Variants in ADAMTS12 observed in about 807,000 individuals in gnomAD.
ADAMTS12 encodes ADAM metallopeptidase with thrombospondin type 1 motif 12.
Under a neutral mutation model 167.8 loss-of-function variants are expected in ADAMTS12, and 118 were observed. The observed-to-expected ratio is 0.70, with a 90% confidence interval of 0.61 to 0.82. ADAMTS12 has a LOEUF of 0.82. Ranked by LOEUF, ADAMTS12 falls within the 40% of genes least tolerant of loss-of-function variation. The pLI is 0.00. For synonymous variants in ADAMTS12, 704 were observed against 716.9 expected (o/e 0.98, Z 0.29); for missense variants, 1,916 against 1,998.8 (o/e 0.96, Z 0.79).
At chr5:33,796,081 C>T (rs1579943440) in intron 2 of ADAMTS12, among the ~76,000 whole-genome samples, 1 of 152,232 alleles carries the variant, frequency 6.6e-6, no homozygotes, top group South Asian at 2.1e-4. Context: ...ACATCTAAGT[C>T]TCATCTACAG....
intron 20 of ADAMTS12, among the ~76,000 whole-genome samples, chr5:33,557,106 A>C (rs1420748758): frequency 1.3e-5 from 2 of 152,178 alleles, no homozygotes; most frequent in Non-Finnish European, 2.9e-5. Context: ...TGCAATCCAG[A>C]CAGCAATCAC....
At chr5:33,848,982 TATATATATATGTATTGCATAGCA>T in intron 2 of ADAMTS12, among the ~76,000 whole-genome samples, 1 of 150,210 alleles carries the variant, frequency 6.7e-6, no homozygotes, top group South Asian at 2.1e-4. Context: ...TGCATAGCAA[TATATATATATGTATTGCATAGCA>T]ATATATATAT....
intron 23 of ADAMTS12, 33 bp downstream of exon 23, chr5:33,534,800 T>C (rs1192865192): frequency 1.3e-6 from 2 of 1,585,836 alleles, no homozygotes; most frequent in Non-Finnish European, 8.5e-7. Flanking sequence ...TGTGCAAAGA[T>C]CTCTTTCTCC....
chr5:33,531,585 A>G (rs1355449657), intron 23 of ADAMTS12, among the ~76,000 whole-genome samples: 1 of 152,190 alleles, frequency 6.6e-6, no homozygotes, highest in Admixed American at 6.5e-5. Flanking sequence ...AATAGCTCCC[A>G]AGCTTTGTCT....
intron 3 of ADAMTS12, among the ~76,000 whole-genome samples, chr5:33,730,876 A>C (rs980398336): frequency 6.6e-6 from 1 of 152,246 alleles, no homozygotes; most frequent in African/African-American, 2.4e-5. Flanking sequence ...TCAGCAATGA[A>C]GAAATCTGTA....
At chr5:33,834,986 A>T (rs113958724) in intron 2 of ADAMTS12, among the ~76,000 whole-genome samples, 3,927 of 152,278 alleles carry the variant, frequency 0.026, 115 homozygotes, top group African/African-American at 0.066. Context: ...CCGTGTGGCA[A>T]CACCTGCCAA....
intron 2 of ADAMTS12, among the ~76,000 whole-genome samples, chr5:33,802,371 T>C (rs924092258): frequency 5.9e-5 from 9 of 152,178 alleles, no homozygotes; most frequent in Non-Finnish European, 1.2e-4. Context: ...AAGTACAACA[T>C]TGGATCCTAA....
chr5:33,640,878 C>T (rs1196223776), intron 11 of ADAMTS12, among the ~76,000 whole-genome samples: 4 of 136,156 alleles, frequency 2.9e-5, no homozygotes, highest in African/African-American at 1.4e-4. Flanking sequence ...TATACATATA[C>T]TTATATTTAA....
Position 33,534,906 on chromosome 5 carries a change from T to C in ADAMTS12, c.4533A>G (p.Gln1511=), listed in dbSNP as rs767033876. The change falls in exon 23 of 24, where the codon CAA becomes CAG. Residue 1511 remains glutamine, a synonymous_variant. Coordinates refer to ENST00000504830, the MANE Select transcript of ADAMTS12 (RefSeq NM_030955.4). The stretch of plus-strand genomic sequence containing the variant: ...GTCTGGGTTTGTGATCACATAGACA[T>C]TGGTCTTGGTCTTCAGTTTTATTGC... ...SEGNKTEDQD[Q]CLCDHKPRPP... 88 of 1,613,994 alleles carry C rather than the reference T, an allele frequency of 5.5e-5. No individual in the cohort carries two copies. Among genetic ancestry groups the C allele is most frequent in the Non-Finnish European group, 7.0e-5 (83 of 1,180,010 alleles).
chr5:33,865,818 A>G (rs1366893626), intron 2 of ADAMTS12, among the ~76,000 whole-genome samples: 1 of 152,186 alleles, frequency 6.6e-6, no homozygotes, highest in Admixed American at 6.5e-5. Flanking sequence ...TACACCAACA[A>G]CGACCAAGCT....
intron 2 of ADAMTS12, among the ~76,000 whole-genome samples, chr5:33,774,490 T>C (rs1471694283): frequency 6.6e-6 from 1 of 152,240 alleles, no homozygotes; most frequent in South Asian, 2.1e-4. Context: ...TTTGGCTTCA[T>C]ACAGAACATT....
At chr5:33,749,914 T>G (rs1239639336) in intron 3 of ADAMTS12, among the ~76,000 whole-genome samples, 2 of 152,168 alleles carry the variant, frequency 1.3e-5, no homozygotes, top group Non-Finnish European at 1.5e-5. Context: ...ATAGTCTCAC[T>G]CATTTCACAG....
intron 18 of ADAMTS12, among the ~76,000 whole-genome samples, chr5:33,580,148 G>A (rs1487561470): frequency 7.2e-5 from 11 of 152,042 alleles, no homozygotes; most frequent in Non-Finnish European, 1.6e-4. Context: ...AACCTAAAAG[G>A]GTAAGGCAGG....
In ADAMTS12 at chr5:33,523,892, C is replaced by T. The variant is rs1743689827; in HGVS notation, c.*3296G>A. Reference sequence around the variant, plus strand: ...TCCTTCAAAAGTGAATCACTGTGGACCAAGCACCAGAAACATCGTCCCAAA... The same window carrying T: ...TCCTTCAAAAGTGAATCACTGTGGATCAAGCACCAGAAACATCGTCCCAAA... On this transcript the variant is annotated 3_prime_UTR_variant, in exon 24 of 24. Coordinates refer to ENST00000504830, the MANE Select transcript of ADAMTS12 (RefSeq NM_030955.4). 6.6e-6 allele frequency: 1 copy of T among 152,098 alleles called. No individual in the cohort carries two copies. Among genetic ancestry groups the T allele is most frequent in the Non-Finnish European group, 1.5e-5 (1 of 68,032 alleles). 9.4% of individuals were successfully genotyped at this position (152,098 alleles called of 1,614,324 possible).
intron 5 of ADAMTS12, among the ~76,000 whole-genome samples, chr5:33,663,706 C>G (rs1340852383): frequency 6.6e-6 from 1 of 152,202 alleles, no homozygotes; most frequent in Non-Finnish European, 1.5e-5. Context: ...AGTTGGTCAT[C>G]AACCTCACTG....
At chr5:33,866,471 T>G (rs1749826624) in intron 2 of ADAMTS12, among the ~76,000 whole-genome samples, 1 of 152,126 alleles carries the variant, frequency 6.6e-6, no homozygotes, top group Non-Finnish European at 1.5e-5. Flanking sequence ...GACTTAAATT[T>G]AAGACCTGAA....
Position 33,534,991 on chromosome 5 carries a change from C to T in ADAMTS12, c.4448G>A (p.Cys1483Tyr), listed in dbSNP as rs1300910011. 2 of 1,601,386 alleles carry T rather than the reference C, an allele frequency of 1.2e-6. No individual in the cohort carries two copies. Among genetic ancestry groups the T allele is most frequent in the African/African-American group, 1.3e-5 (1 of 74,418 alleles). The change falls in exon 23 of 24, where the codon TGT becomes TAT. Residue 1483 changes from cysteine (C) to tyrosine (Y), a missense_variant and splice_region_variant. By Grantham distance (194) the Cys-to-Tyr change is radical. Transcript: ENST00000504830. ...CHWATGNWDL[C>Y]STSCGGGFQK... Reference sequence around the variant, plus strand: ...AAAGCCACCTCCACAGGAAGTGGAACACTGAAAGAGAAGGTGAACAGAGAG... The same window carrying T: ...AAAGCCACCTCCACAGGAAGTGGAATACTGAAAGAGAAGGTGAACAGAGAG...
intron 1 of ADAMTS12, among the ~76,000 whole-genome samples, chr5:33,885,479 A>T (rs1021196786): frequency 1.3e-5 from 2 of 151,948 alleles, no homozygotes; most frequent in African/African-American, 4.9e-5. Context: ...AAAATAAAAA[A>T]TAAAAAATAA....
At chr5:33,682,380 G>A (rs903361735) in intron 5 of ADAMTS12, among the ~76,000 whole-genome samples, 2 of 152,178 alleles carry the variant, frequency 1.3e-5, no homozygotes, top group African/African-American at 4.8e-5. Context: ...TCCAGGTGGA[G>A]ATTTCAAGTA....
Sources: gnomAD v4.1 joint callset for allele counts (sites outside exome capture counted in the v4.1 genomes callset) on GRCh38, gnomAD v4.1.1 for gene constraint, MANE v1.5 for transcripts, NCBI Gene and HGNC (gene_info 2026-07-23, HGNC 2026-07-21) for gene names.